The following MTX2 variants were observed in gnomAD, a reference collection of about 807,000 sequenced individuals.
The protein encoded by MTX2 is metaxin 2, also known as metaxin-2.
Under a neutral mutation model 42.3 loss-of-function variants are expected in MTX2, and 35 were observed. That is an observed-to-expected ratio of 0.83 (90% confidence interval 0.63 to 1.10). The LOEUF (loss-of-function observed/expected upper bound fraction) is 1.10, where lower values mean the gene tolerates loss of function less well. Among genes scored for constraint, MTX2 ranks in the 50% least tolerant of loss-of-function variants. The probability of loss-of-function intolerance (pLI) is 0.00; values close to 1 mark genes in which losing one functional copy is unlikely to be tolerated. For synonymous variants in MTX2, 119 were observed against 100.9 expected (o/e 1.18, Z -1.08); for missense variants, 307 against 304.1 (o/e 1.01, Z -0.07).
chr2:176,321,818 T>A (rs1325515769), intron 3 of MTX2, among the ~76,000 whole-genome samples: 1 of 152,100 alleles, frequency 6.6e-6, no homozygotes, highest in Non-Finnish European at 1.5e-5. Flanking sequence ...TCTACCACTG[T>A]AGGGAAAGGA....
intron 3 of MTX2, among the ~76,000 whole-genome samples, chr2:176,304,980 T>G (rs1684106849): frequency 6.6e-6 from 1 of 152,040 alleles, no homozygotes; most frequent in Non-Finnish European, 1.5e-5. Flanking sequence ...TATTAATCAG[T>G]GTAAAGCATC....
chr2:176,324,735 C>G (rs973776044), intron 4 of MTX2, among the ~76,000 whole-genome samples: 25 of 151,560 alleles, frequency 1.6e-4, no homozygotes, highest in Admixed American at 1.5e-3. Context: ...TACCTATTTT[C>G]TTTTTATTAG....
chr2:176,305,072 T>C (rs1418934445), intron 3 of MTX2, among the ~76,000 whole-genome samples: 1 of 152,100 alleles, frequency 6.6e-6, no homozygotes, highest in Non-Finnish European at 1.5e-5. Context: ...ATGCTGATTT[T>C]ATTGCTTAGG....
At chr2:176,334,200 TGATAGTTG>T (rs934838872) in intron 9 of MTX2, among the ~76,000 whole-genome samples, 4 of 151,838 alleles carry the variant, frequency 2.6e-5, no homozygotes, top group African/African-American at 9.7e-5. Context: ...GAGCATACAT[TGATAGTTG>T]AACTCTTTCA....
chr2:176,271,907 A>G (rs1159005635), intron 1 of MTX2, among the ~76,000 whole-genome samples: 2 of 152,218 alleles, frequency 1.3e-5, no homozygotes, highest in African/African-American at 2.4e-5. Flanking sequence ...CTGGGCATGT[A>G]TCCAAAGGAA....
intron 9 of MTX2, among the ~76,000 whole-genome samples, chr2:176,337,020 A>T (rs572610015): frequency 6.6e-6 from 1 of 152,252 alleles, no homozygotes; most frequent in East Asian, 1.9e-4. Flanking sequence ...TTTGCATGTA[A>T]TCTATGTACA....
chr2:176,317,107 C>T (rs74347768), intron 3 of MTX2, among the ~76,000 whole-genome samples: 1,989 of 150,446 alleles, frequency 0.013, 39 homozygotes, highest in African/African-American at 0.046. Context: ...ATTCACATGA[C>T]TAAAACTAGA....
chr2:176,309,941 G>A lies in MTX2; in HGVS notation c.135+12046G>A, dbSNP rs140500238. On this transcript the variant is annotated intron_variant, in intron 3 of 9. Transcript: ENST00000249442. ...TATTGTTATATGTGAATTTGATCCT[G>A]TCATTATGATATTAGCTGGTTATTT... 3.2e-4 allele frequency among the ~76,000 whole-genome samples: 48 copies of A among 152,200 alleles called. No individual in the cohort carries two copies. In the East Asian group the frequency reaches 6.8e-3, roughly 21 times the overall value.
intron 3 of MTX2, among the ~76,000 whole-genome samples, chr2:176,303,974 A>G (rs911376772): frequency 1.8e-4 from 28 of 152,016 alleles, no homozygotes; most frequent in Admixed American, 1.6e-3. Flanking sequence ...GTTTGTTGCT[A>G]TTAAACAGAA....
chr2:176,326,541 A>G (rs1050325208), intron 4 of MTX2, among the ~76,000 whole-genome samples: 2 of 151,560 alleles, frequency 1.3e-5, no homozygotes, highest in Non-Finnish European at 3.0e-5. Flanking sequence ...ATATGGTGAT[A>G]TGTTTGTGTT....
At chr2:176,284,664 A>G (rs1693154369) in intron 1 of MTX2, among the ~76,000 whole-genome samples, 1 of 152,246 alleles carries the variant, frequency 6.6e-6, no homozygotes, top group African/African-American at 2.4e-5. Context: ...TTACTAAGGC[A>G]TGTTTTAAAA....
At position 176,328,284 on chromosome 2, in the gene MTX2, T is replaced by A. The variant is rs756283696; in HGVS notation, c.286-9T>A. The A allele has an allele frequency of 2.8e-5, 42 of 1,518,774 alleles. No homozygotes were observed. Among genetic ancestry groups the A allele is most frequent in the Non-Finnish European group, 2.7e-5 (31 of 1,137,920 alleles). The allele number at this position is 1,518,774 out of a possible 1,614,324, so 94.1% of individuals were successfully genotyped here. ...GATGTTCTTTTAAATTTTTTTAAATTCCCTTTAGGGCCATTCTCTTAGTGA... is the reference window on the plus strand; with the variant it reads ...GATGTTCTTTTAAATTTTTTTAAATACCCTTTAGGGCCATTCTCTTAGTGA... On this transcript the variant is annotated splice_polypyrimidine_tract_variant and intron_variant, in intron 5 of 9. Transcript: ENST00000249442.
chr2:176,313,921 G>A (rs1684376639), intron 3 of MTX2, among the ~76,000 whole-genome samples: 1 of 152,090 alleles, frequency 6.6e-6, no homozygotes, highest in South Asian at 2.1e-4. Flanking sequence ...AAGAATAAAG[G>A]ATGGTAAGGA....
rs182439884 is a variant in MTX2 at position 176,312,794 on chromosome 2, C to T, written c.136-10598C>T. Among the ~76,000 whole-genome samples, 767 of 134,300 alleles carry T rather than the reference C, an allele frequency of 5.7e-3. 8 individuals carry two copies. Among genetic ancestry groups the T allele is most frequent in the East Asian group, 0.041 (181 of 4,380 alleles). The allele number at this position is 134,300 out of a possible 152,430, so 88.1% of individuals were successfully genotyped here. On this transcript the variant is annotated intron_variant, in intron 3 of 9. Transcript: ENST00000249442. Reference sequence around the variant, plus strand: ...GAGAGAATCACTTGAATCTGGGAGGCGGAGGTTGCAGTGAGCCGAGATTGC... The same window carrying T: ...GAGAGAATCACTTGAATCTGGGAGGTGGAGGTTGCAGTGAGCCGAGATTGC...
chr2:176,328,429 C>A, intron 6 of MTX2, 44 bp downstream of exon 6: 1 of 1,215,126 alleles, frequency 8.2e-7, no homozygotes, highest in Non-Finnish European at 1.1e-6. Flanking sequence ...CTTTTTCTCT[C>A]ATTCTCATAA....
chr2:176,293,145 A>G (rs1693364336), intron 1 of MTX2, among the ~76,000 whole-genome samples: 1 of 152,214 alleles, frequency 6.6e-6, no homozygotes, highest in Non-Finnish European at 1.5e-5. Context: ...TTTATTCTAA[A>G]GCATAAGTAT....
intron 1 of MTX2, among the ~76,000 whole-genome samples, chr2:176,296,273 G>A (rs1369299229): frequency 2.0e-5 from 3 of 152,082 alleles, no homozygotes; most frequent in Non-Finnish European, 4.4e-5. Flanking sequence ...TGTTTGTGGG[G>A]TGGTGTTGGT....
intron 1 of MTX2, among the ~76,000 whole-genome samples, chr2:176,276,111 G>A (rs77920875): frequency 0.013 from 2,003 of 152,218 alleles, 39 homozygotes; most frequent in African/African-American, 0.046. Context: ...TTTTGGTAAA[G>A]CTTTAAAAAT....
chr2:176,287,665 G>A (rs1403078277), intron 1 of MTX2, among the ~76,000 whole-genome samples: 1 of 152,098 alleles, frequency 6.6e-6, no homozygotes, highest in Admixed American at 6.5e-5. Context: ...AACTTGTGAT[G>A]ATGTGTAGCC....
Sources: gnomAD v4.1 joint callset for allele counts (sites outside exome capture counted in the v4.1 genomes callset) on GRCh38, gnomAD v4.1.1 for gene constraint, MANE v1.5 for transcripts, NCBI Gene and HGNC (gene_info 2026-07-23, HGNC 2026-07-21) for gene names.